Variants in SLA2 observed in about 807,000 individuals in gnomAD.
The protein encoded by SLA2 is Src like adaptor 2, also known as src-like-adapter 2.
In SLA2, 22 loss-of-function variants were observed where a neutral mutation model predicts 27.3. The observed-to-expected ratio is 0.81, with a 90% CI of 0.58 to 1.15. The LOEUF (loss-of-function observed/expected upper bound fraction) is 1.15, where lower values mean the gene tolerates loss of function less well. Among genes scored for constraint, SLA2 ranks in the 50% most tolerant of loss-of-function variants. The pLI is 0.00. For missense variants in SLA2, 304 were observed against 322.2 expected, an observed-to-expected ratio of 0.94 and a Z score of 0.43; for synonymous variants, 131 against 137.8, an observed-to-expected ratio of 0.95 and a Z score of 0.34.
chr20:36,633,967 C>T (rs1312895518), intron 3 of SLA2, among the ~76,000 whole-genome samples: 2 of 151,166 alleles, frequency 1.3e-5, no homozygotes, highest in East Asian at 2.0e-4. Context: ...CCCCTTCTCC[C>T]GGGACAGTAT....
At chr20:36,625,024 A>T (rs1298766711) in intron 5 of SLA2, among the ~76,000 whole-genome samples, 1 of 152,060 alleles carries the variant, frequency 6.6e-6, no homozygotes. Flanking sequence ...TCATTCATTT[A>T]TTCAGTAAAC....
chr20:36,616,073 A>T lies in SLA2; in HGVS notation c.383-699T>A, dbSNP rs373522548. Among the ~76,000 whole-genome samples the T allele has an allele frequency of 7.5e-4, 115 of 152,346 alleles. 1 individual carries two copies. Among genetic ancestry groups the T allele is most frequent in the African/African-American group, 2.7e-3 (113 of 41,586 alleles). On this transcript the variant is annotated intron_variant, in intron 5 of 7. Transcript: ENST00000262866. ...GCCTGATTCTATTTAAAGTTCAAAG[A>T]TAGCCAACATGACATTATATGTTGC...
At chr20:36,614,619 A>G (rs1412810819) in intron 6 of SLA2, 182 bp from the exon 7 acceptor site, 1 of 985,282 alleles carries the variant, frequency 1.0e-6, no homozygotes, top group East Asian at 1.1e-4. Context: ...TTCTGGGCTA[A>G]CTTTTGGGAG....
intron 5 of SLA2, among the ~76,000 whole-genome samples, chr20:36,617,098 C>G (rs976781464): frequency 6.6e-6 from 1 of 151,952 alleles, no homozygotes; most frequent in African/African-American, 2.4e-5. Flanking sequence ...TGGCTCACGC[C>G]TGTAATCCCG....
chr20:36,616,974 C>T (rs1006457429), intron 5 of SLA2, among the ~76,000 whole-genome samples: 16 of 152,064 alleles, frequency 1.1e-4, no homozygotes, highest in African/African-American at 2.9e-4. Context: ...CACTTGAACC[C>T]AGGAGGCAGA....
intron 5 of SLA2, among the ~76,000 whole-genome samples, chr20:36,627,430 G>A (rs1320241984): frequency 1.4e-4 from 21 of 152,182 alleles, no homozygotes; most frequent in Admixed American, 1.4e-3. Flanking sequence ...AAGCTTTAGG[G>A]ATTGAATGTT....
chr20:36,636,313 C>T (rs1458219385), intron 2 of SLA2, among the ~76,000 whole-genome samples: 4 of 147,458 alleles, frequency 2.7e-5, no homozygotes, highest in Non-Finnish European at 4.4e-5. Flanking sequence ...CCCAGCTACT[C>T]GGGAGGCTGA....
intron 2 of SLA2, among the ~76,000 whole-genome samples, chr20:36,639,829 C>G (rs1390055013): frequency 1.3e-5 from 2 of 151,620 alleles, no homozygotes; most frequent in African/African-American, 4.8e-5. Context: ...CCACTGCACT[C>G]CAGCCTTGGA....
At chr20:36,643,916 C>A (rs949733001) in intron 1 of SLA2, among the ~76,000 whole-genome samples, 1 of 152,144 alleles carries the variant, frequency 6.6e-6, no homozygotes, top group Admixed American at 6.5e-5. Flanking sequence ...TGTGCCACTG[C>A]ACTGCAGCCT....
At chr20:36,617,372 AAAAT>A (rs1351739354) in intron 5 of SLA2, among the ~76,000 whole-genome samples, 4 of 151,700 alleles carry the variant, frequency 2.6e-5, no homozygotes, top group African/African-American at 9.7e-5. Flanking sequence ...CTCAATTAAA[AAAAT>A]AAATAAACAA....
At chr20:36,617,203 CA>C (rs1243483698) in intron 5 of SLA2, among the ~76,000 whole-genome samples, 372 of 136,882 alleles carry the variant, frequency 2.7e-3, no homozygotes, top group Middle Eastern at 0.015. Context: ...ACTAAAAATA[CA>C]AAAAAAAAAA....
At chr20:36,636,427 CA>C (rs71186007) in intron 2 of SLA2, among the ~76,000 whole-genome samples, 7,480 of 61,298 alleles carry the variant, frequency 0.12, 530 homozygotes, top group African/African-American at 0.32. Context: ...GACTCCGTCT[CA>C]AAAAAAAAAA....
intron 5 of SLA2, among the ~76,000 whole-genome samples, chr20:36,623,266 CAAAAAAAA>C (rs776399343): frequency 3.8e-5 from 2 of 52,094 alleles, no homozygotes; most frequent in Non-Finnish European, 8.4e-5. Context: ...CATTACATCT[CAAAAAAAA>C]AAAAAAAAAA....
intron 5 of SLA2, among the ~76,000 whole-genome samples, chr20:36,617,511 A>C (rs932570974): frequency 1.0e-4 from 14 of 138,976 alleles, no homozygotes; most frequent in African/African-American, 3.7e-4. Context: ...TCCAGTCTGG[A>C]TGACAGAGTG....
At chr20:36,614,486 T>C (rs1377662837) in intron 6 of SLA2, 49 bp from the exon 7 acceptor site, 13 of 1,549,770 alleles carry the variant, frequency 8.4e-6, no homozygotes, top group Non-Finnish European at 1.1e-5. Flanking sequence ...ACCCTACTTC[T>C]CCCCAACAGC....
Position 36,619,977 on chromosome 20 carries a change from G to A in SLA2, c.383-4603C>T, listed in dbSNP as rs111804244. Among the ~76,000 whole-genome samples, 740 of 151,552 alleles carry A rather than the reference G, an allele frequency of 4.9e-3. 6 individuals carry two copies. The highest frequency in any genetic ancestry group is 0.017 in the African/African-American group (712 of 41,338). On this transcript the variant is annotated intron_variant, in intron 5 of 7. Coordinates refer to ENST00000262866, the MANE Select transcript of SLA2 (RefSeq NM_032214.4). ...TTAACCAGGTGTGGTGGTGTGAGCC[G>A]ATAGTCACAGCTACTCAGGAGGCTG...
intron 2 of SLA2, among the ~76,000 whole-genome samples, chr20:36,634,809 A>AG (rs1568608200): frequency 1.0e-3 from 148 of 146,206 alleles, no homozygotes; most frequent in African/African-American, 3.9e-3. Flanking sequence ...GAGAGAGAGA[A>AG]AGAAAGAAAA....
intron 1 of SLA2, among the ~76,000 whole-genome samples, chr20:36,643,331 G>A (rs530482279): frequency 1.3e-5 from 2 of 152,258 alleles, no homozygotes; most frequent in African/African-American, 4.8e-5. Flanking sequence ...TTTTCAGTAG[G>A]GACAAGGCAC....
intron 7 of SLA2, 111 bp downstream of exon 7, chr20:36,614,194 C>T: frequency 1.3e-6 from 2 of 1,565,278 alleles, no homozygotes; most frequent in Middle Eastern, 1.7e-4. Context: ...CTGGCTCCAG[C>T]TGCCAGGTGT....
Sources: allele counts gnomAD v4.1 joint callset (sites outside exome capture counted in the v4.1 genomes callset), GRCh38; gene constraint gnomAD v4.1.1; transcripts MANE v1.5; gene names NCBI Gene and HGNC (gene_info 2026-07-23, HGNC 2026-07-21).